Variants in ZNF292 observed in about 807,000 individuals in gnomAD.
ZNF292 encodes zinc finger protein 292, also known as 16 zinc-finger domain protein.
A neutral mutation model predicts 217.9 loss-of-function variants in ZNF292; 26 were observed. The observed-to-expected ratio is 0.12, with a 90% CI of 0.09 to 0.17. The LOEUF (loss-of-function observed/expected upper bound fraction) is 0.17. ZNF292 is among the 10% of genes least tolerant of loss of function. ZNF292 has a pLI of 1.00. For synonymous variants in ZNF292, 1,257 were observed against 1,124.1 expected (o/e 1.12, Z -2.37); for missense variants, 2,904 against 3,175.2 (o/e 0.91, Z 2.05).
chr6:87,245,704 T>C, intron 7 of ZNF292, 60 bp downstream of exon 7: 1 of 1,085,860 alleles, frequency 9.2e-7, no homozygotes, highest in Non-Finnish European at 1.2e-6. Context: ...AATAAAAGAC[T>C]ATAACTTTTA....
chr6:87,260,727 T>C lies in ZNF292; in HGVS notation c.7098T>C (p.Tyr2366=). Reference sequence around the variant, plus strand: ...CTCTGAAACGTGGGAAGCATGTATATTCTATAAAGGCTAGAAATGATGCCC... The same window carrying C: ...CTCTGAAACGTGGGAAGCATGTATACTCTATAAAGGCTAGAAATGATGCCC... ...PYSLKRGKHV[Y]SIKARNDALS... Residue 2366 remains tyrosine, a synonymous_variant, in exon 8 of 8, where the codon TAT becomes TAC. Coordinates refer to ENST00000369577, the MANE Select transcript of ZNF292 (RefSeq NM_015021.3). 4 of 1,613,450 alleles carry C rather than the reference T, an allele frequency of 2.5e-6. No individual in the cohort carries two copies. Among genetic ancestry groups the C allele is most frequent in the Non-Finnish European group, 3.4e-6 (4 of 1,179,606 alleles).
At chr6:87,193,619 G>A (rs917328551) in intron 1 of ZNF292, among the ~76,000 whole-genome samples, 15 of 152,052 alleles carry the variant, frequency 9.9e-5, no homozygotes, top group African/African-American at 3.6e-4. Context: ...CCCTTCAACT[G>A]TAATGTATCT....
At chr6:87,230,464 G>T (rs1040104124) in intron 4 of ZNF292, among the ~76,000 whole-genome samples, 3 of 151,818 alleles carry the variant, frequency 2.0e-5, no homozygotes, top group African/African-American at 4.8e-5. Flanking sequence ...CCCGGCGTGG[G>T]GGCTCACACC....
chr6:87,258,176 G>T lies in ZNF292; in HGVS notation c.4547G>T (p.Cys1516Phe). ...AEMLSHVSTG[C>F]VSDASQVNAT... is the part of the protein sequence containing the mutation. Reference sequence around the variant, plus strand: ...ATGCTTTCTCATGTTTCAACAGGTTGTGTCTCTGATGCATCACAAGTAAAT... The same window carrying T: ...ATGCTTTCTCATGTTTCAACAGGTTTTGTCTCTGATGCATCACAAGTAAAT... The change falls in exon 8 of 8, where the codon TGT becomes TTT. Residue 1516 changes from cysteine to phenylalanine, a missense_variant. Physicochemically the swap from Cys to Phe is radical, Grantham distance 205. This residue lies in a region of ZNF292 where 622 missense variants were observed against 573.1 expected (regional missense o/e 1.09). Coordinates refer to ENST00000369577, the MANE Select transcript of ZNF292 (RefSeq NM_015021.3). 1 of 1,611,844 alleles carries T rather than the reference G, an allele frequency of 6.2e-7. No homozygotes were observed. Among genetic ancestry groups the T allele is most frequent in the Non-Finnish European group, 8.5e-7 (1 of 1,179,094 alleles).
intron 5 of ZNF292, 30 bp from the exon 6 acceptor site, chr6:87,243,445 G>A (rs376800175): frequency 1.3e-6 from 2 of 1,513,554 alleles, no homozygotes; most frequent in Middle Eastern, 1.7e-4. Flanking sequence ...AAACCATTTT[G>A]TGGCATATTT....
intron 1 of ZNF292, among the ~76,000 whole-genome samples, chr6:87,175,566 T>C (rs1316615960): frequency 1.3e-5 from 2 of 152,188 alleles, no homozygotes; most frequent in Admixed American, 6.5e-5. Flanking sequence ...CTTGAACTCC[T>C]GGCCTCAGGC....
chr6:87,261,257 A>G lies in ZNF292; in HGVS notation c.7628A>G (p.Lys2543Arg). ...AAGGAAAAAAATGTCTCACAAAATA[A>G]AAAAAGGAAAGTTGAAAAAGCTGAA... The part of the protein sequence containing the change: ...VNKEKNVSQN[K>R]KRKVEKAEPA... The change falls in exon 8 of 8, where the codon AAA becomes AGA. Residue 2543 changes from lysine to arginine, a missense_variant. Lys to Arg is a conservative substitution (Grantham distance 26). This residue lies in a region of ZNF292 where 380 missense variants were observed against 355.3 expected (regional missense o/e 1.07). Coordinates refer to ENST00000369577, the MANE Select transcript of ZNF292 (RefSeq NM_015021.3). 1 of 1,610,376 alleles carries G rather than the reference A, an allele frequency of 6.2e-7. No individual in the cohort carries two copies. The highest frequency in any genetic ancestry group is 1.1e-5 in the South Asian group (1 of 90,420).
chr6:87,189,285 A>G (rs1771755859), intron 1 of ZNF292, among the ~76,000 whole-genome samples: 1 of 152,110 alleles, frequency 6.6e-6, no homozygotes, highest in Non-Finnish European at 1.5e-5. Flanking sequence ...TTAAATTTGT[A>G]GAAGCATGGG....
At position 87,227,382 on chromosome 6, in the gene ZNF292, A is replaced by AT. The variant is rs924681153; in HGVS notation, c.539-5934dup. ...TGTTTTATTAAATGTCTTAATTTGG[A>AT]TTTTTTTTTGACCAACAATGCTGAA... On this transcript the variant is annotated intron_variant, in intron 4 of 7. Coordinates refer to ENST00000369577, the MANE Select transcript of ZNF292 (RefSeq NM_015021.3). Among the ~76,000 whole-genome samples the AT allele has an allele frequency of 3.1e-3, 476 of 151,464 alleles. 1 individual carries two copies. The highest frequency in any genetic ancestry group is 9.8e-3 in the African/African-American group (405 of 41,310).
At chr6:87,219,637 A>G (rs1426764823) in intron 4 of ZNF292, among the ~76,000 whole-genome samples, 1 of 152,132 alleles carries the variant, frequency 6.6e-6, no homozygotes, top group African/African-American at 2.4e-5. Context: ...TAGATTGGTT[A>G]TTCCTACTGG....
chr6:87,238,747 C>T (rs558391531), intron 5 of ZNF292, among the ~76,000 whole-genome samples: 2 of 149,194 alleles, frequency 1.3e-5, no homozygotes, highest in African/African-American at 2.5e-5. Context: ...TTGGCAGGGT[C>T]ATAGGACAAT....
intron 1 of ZNF292, chr6:87,169,671 CAG>C (rs1230310177): frequency 2.3e-6 from 1 of 437,484 alleles, no homozygotes; most frequent in Non-Finnish European, 4.6e-6. Flanking sequence ...TGTTTTGAGA[CAG>C]GGTCTCACTG....
chr6:87,256,616 A>G lies in ZNF292; in HGVS notation c.2987A>G (p.Asn996Ser), dbSNP rs1341504827. The change falls in exon 8 of 8, where the codon AAT becomes AGT. Residue 996 changes from asparagine to serine, a missense_variant. Asn to Ser is a conservative substitution (Grantham distance 46). This residue lies in a region of ZNF292 where 687 missense variants were observed against 623.0 expected (regional missense o/e 1.10). Coordinates refer to ENST00000369577, the MANE Select transcript of ZNF292 (RefSeq NM_015021.3). ...FQERKEQDCFNDAHVTQNSLV... is the reference protein window; with the variant it reads ...FQERKEQDCFSDAHVTQNSLV... ...GAGAGAAAAGAACAAGATTGCTTTAATGATGCCCATGTTACTCAGAATTCT... is the reference window on the plus strand; with the variant it reads ...GAGAGAAAAGAACAAGATTGCTTTAGTGATGCCCATGTTACTCAGAATTCT... 2 of 1,613,536 alleles carry G rather than the reference A, an allele frequency of 1.2e-6. No individual in the cohort carries two copies. Among genetic ancestry groups the G allele is most frequent in the Non-Finnish European group, 8.5e-7 (1 of 1,179,842 alleles).
intron 1 of ZNF292, among the ~76,000 whole-genome samples, chr6:87,200,702 T>C (rs1306254762): frequency 6.6e-6 from 1 of 152,192 alleles, no homozygotes; most frequent in Non-Finnish European, 1.5e-5. Context: ...ATCAGAATGC[T>C]ACAAAGAGAG....
At chr6:87,230,536 A>G (rs1301511930) in intron 4 of ZNF292, among the ~76,000 whole-genome samples, 1 of 152,140 alleles carries the variant, frequency 6.6e-6, no homozygotes, top group Non-Finnish European at 1.5e-5. Flanking sequence ...TATCAAGACC[A>G]TCCTGGCGAA....
chr6:87,191,118 C>G, intron 1 of ZNF292, among the ~76,000 whole-genome samples: 1 of 151,876 alleles, frequency 6.6e-6, no homozygotes, highest in Admixed American at 6.6e-5. Flanking sequence ...GATTCCATAT[C>G]AGTGTATTCA....
At chr6:87,241,980 G>A (rs942311029) in intron 5 of ZNF292, among the ~76,000 whole-genome samples, 13 of 152,062 alleles carry the variant, frequency 8.5e-5, no homozygotes, top group African/African-American at 3.1e-4. Flanking sequence ...ACTTAGGATG[G>A]GCGTGTTGGG....
At chr6:87,223,665 C>A (rs969166845) in intron 4 of ZNF292, 11 of 151,990 alleles carry the variant, frequency 7.2e-5, no homozygotes, top group Non-Finnish European at 1.3e-4. Context: ...TTATTTTATT[C>A]TTTGGTCATA....
At position 87,255,741 on chromosome 6, in the gene ZNF292, G is replaced by T; in HGVS notation, c.2112G>T (p.Gly704=). 4.3e-6 allele frequency: 7 copies of T among 1,613,720 alleles called. No homozygotes were observed. The highest frequency in any genetic ancestry group is 5.9e-6 in the Non-Finnish European group (7 of 1,179,808). ...AAAATTTAATTGCTCATGTGAAGGG[G>T]CATAAAGATAATGAAGACGCCAAGC... ...YFKNLIAHVK[G]HKDNEDAKRF... Residue 704 remains glycine (G), a synonymous_variant, in exon 8 of 8, where the codon GGG becomes GGT. Transcript: ENST00000369577.
Sources: gnomAD v4.1 joint callset for allele counts (sites outside exome capture counted in the v4.1 genomes callset) on GRCh38, gnomAD v4.1.1 for gene constraint, gnomAD v4.1.1 regional missense constraint, MANE v1.5 for transcripts, NCBI Gene and HGNC (gene_info 2026-07-23, HGNC 2026-07-21) for gene names.